Variants in TENM1 observed in about 807,000 individuals in gnomAD.
TENM1 encodes the protein teneurin-1.
In TENM1, 35 loss-of-function variants were observed where a neutral mutation model predicts 174.8. The observed-to-expected ratio is 0.20, with a 90% CI of 0.15 to 0.27. The LOEUF (loss-of-function observed/expected upper bound fraction) is 0.27. Ranked by LOEUF, TENM1 falls within the 10% of genes least tolerant of loss-of-function variation. TENM1 has a pLI of 1.00. For synonymous variants in TENM1, 781 were observed against 798.7 expected (o/e 0.98, Z 0.37); for missense variants, 1,633 against 2,130.1 (o/e 0.77, Z 4.59).
chrX:124,449,434 G>A (rs1454952618), intron 23 of TENM1, among the ~76,000 whole-genome samples: 1 of 112,243 alleles, frequency 8.9e-6, no homozygotes, highest in East Asian at 2.8e-4. Flanking sequence ...TGGTGATGAT[G>A]ATCATATGTT....
intron 30 of TENM1, 135 bp downstream of exon 33, chrX:124,383,499 C>T: frequency 1.7e-6 from 1 of 590,509 alleles, no homozygotes; most frequent in Non-Finnish European, 2.7e-6. Context: ...CTAAGGAAGA[C>T]AGCAAATGCA....
At chrX:125,036,144 T>C in the TENM1 span, among the ~76,000 whole-genome samples, 1 of 111,875 alleles carries the variant, frequency 8.9e-6, no homozygotes, top group East Asian at 2.8e-4. Context: ...AATGTAAATG[T>C]ATTCTTTAAG....
At chrX:124,981,797 C>G in the TENM1 span, among the ~76,000 whole-genome samples, 1 of 110,663 alleles carries the variant, frequency 9.0e-6, no homozygotes, top group Non-Finnish European at 1.9e-5. Context: ...TAGGTTTATC[C>G]CTGGTTGGAG....
intron 25 of TENM1, among the ~76,000 whole-genome samples, chrX:124,407,219 CAAAAAA>C (rs59240118): frequency 1.0e-4 from 9 of 86,649 alleles, no homozygotes; most frequent in African/African-American, 3.7e-4. Context: ...TTACTTTTTC[CAAAAAA>C]AAAAAAAAAA....
chrX:125,109,600 C>A, the TENM1 span, among the ~76,000 whole-genome samples: 1 of 110,994 alleles, frequency 9.0e-6, no homozygotes, highest in Non-Finnish European at 1.9e-5. Context: ...CTGGCTAAGA[C>A]AATCTAGGCA....
chrX:124,764,951 A>G (rs1241057243), intron 3 of TENM1, among the ~76,000 whole-genome samples: 1 of 110,331 alleles, frequency 9.1e-6, no homozygotes. Flanking sequence ...CTTTCATCCC[A>G]TATTGTTTGC....
At chrX:124,492,034 TAGATA>T (rs1318807079) in intron 20 of TENM1, among the ~76,000 whole-genome samples, 1 of 111,839 alleles carries the variant, frequency 8.9e-6, no homozygotes, top group African/African-American at 3.2e-5. Flanking sequence ...GTCAATTTTA[TAGATA>T]AGGAAGAGAA....
At chrX:124,387,049 G>A (rs1321035563) in intron 28 of TENM1, among the ~76,000 whole-genome samples, 1 of 106,212 alleles carries the variant, frequency 9.4e-6, no homozygotes, top group Non-Finnish European at 1.9e-5. Context: ...TTATCATAAA[G>A]TATTGATTGA....
At chrX:125,148,499 C>T in the TENM1 span, among the ~76,000 whole-genome samples, 1 of 111,725 alleles carries the variant, frequency 9.0e-6, no homozygotes, top group Non-Finnish European at 1.9e-5. Flanking sequence ...TCTTCTTATT[C>T]TATATGCTTT....
chrX:124,607,282 A>G (rs1392070802), intron 11 of TENM1, among the ~76,000 whole-genome samples: 1 of 111,004 alleles, frequency 9.0e-6, no homozygotes, highest in Non-Finnish European at 1.9e-5. Flanking sequence ...TTTCAGTGGT[A>G]ATAATGGCTC....
chrX:124,892,716 C>T (rs1163668003), intron 3 of TENM1, among the ~76,000 whole-genome samples: 3 of 111,694 alleles, frequency 2.7e-5, no homozygotes, highest in African/African-American at 6.5e-5. Context: ...ATATCATGCC[C>T]ACTGCCTCAT....
rs1460425365 is a variant in TENM1 at position 124,443,042 on chromosome X, CTA to C, written c.4104+10293_4104+10294del. Among the ~76,000 whole-genome samples the C allele has an allele frequency of 9.6e-3, 403 of 42,164 alleles. 5 individuals carry two copies. The highest frequency in any genetic ancestry group is 0.013 in the Middle Eastern group (1 of 77). 36.6% of individuals were successfully genotyped at this position (42,164 alleles called of 115,157 possible). A position where few individuals can be genotyped will look rare whatever the true frequency, so the allele number is the denominator to read the frequency against. On this transcript the variant is annotated intron_variant, in intron 23 of 31. Transcript: ENST00000422452. The stretch of plus-strand genomic sequence containing the variant: ...GCTGTAACTTTTCATGCCTGGATGA[CTA>C]TGTGTGTGTGTGTGTGTGTGTGTGT...
intron 22 of TENM1, among the ~76,000 whole-genome samples, chrX:124,475,845 C>A (rs2061381547): frequency 9.0e-6 from 1 of 111,691 alleles, no homozygotes; most frequent in Admixed American, 9.5e-5. Context: ...ACAAGGTGGG[C>A]ATCTCTCCTG....
chrX:125,179,841 G>A, the TENM1 span, among the ~76,000 whole-genome samples: 2 of 107,690 alleles, frequency 1.9e-5, no homozygotes, highest in Non-Finnish European at 3.8e-5. Flanking sequence ...GAGAATCACT[G>A]TTCAACTCTG....
At chrX:125,045,079 C>G in the TENM1 span, among the ~76,000 whole-genome samples, 3 of 111,365 alleles carry the variant, frequency 2.7e-5, no homozygotes, top group East Asian at 5.7e-4. Flanking sequence ...GGGAAGCAGT[C>G]CTGTCTTACC....
intron 1 of TENM1, among the ~76,000 whole-genome samples, chrX:124,947,644 T>A (rs1442329322): frequency 8.9e-6 from 1 of 112,284 alleles, no homozygotes; most frequent in African/African-American, 3.2e-5. Flanking sequence ...TATAATGGTT[T>A]ACAAGGTCCC....
intron 14 of TENM1, among the ~76,000 whole-genome samples, chrX:124,556,629 G>C (rs1389300392): frequency 9.1e-6 from 1 of 110,453 alleles, no homozygotes; most frequent in Non-Finnish European, 1.9e-5. Flanking sequence ...CTTACTTACA[G>C]TTCTGATTTG....
chrX:124,803,931 T>C (rs2055521599), intron 3 of TENM1, among the ~76,000 whole-genome samples: 1 of 112,566 alleles, frequency 8.9e-6, no homozygotes, highest in African/African-American at 3.2e-5. Flanking sequence ...CTACAAGTTA[T>C]AGTACATGCC....
In TENM1 at chrX:124,858,441, C is replaced by G. The variant is rs181408592; in HGVS notation, c.535+35855G>C. ...GTGTGGTTTATTTCAGTAATCTTACCTAATGAATTGGATTGACCATGCCAT... is the reference window on the plus strand; with the variant it reads ...GTGTGGTTTATTTCAGTAATCTTACGTAATGAATTGGATTGACCATGCCAT... On this transcript the variant is annotated intron_variant, in intron 3 of 31. Transcript: ENST00000422452. Among the ~76,000 whole-genome samples, 3 of 111,599 alleles carry G rather than the reference C, an allele frequency of 2.7e-5. No individual in the cohort carries two copies. In the East Asian group the frequency reaches 8.5e-4, roughly 31 times the overall value.
Sources: gnomAD v4.1 joint callset for allele counts (sites outside exome capture counted in the v4.1 genomes callset) on GRCh38, gnomAD v4.1.1 for gene constraint, MANE v1.5 for transcripts, NCBI Gene and HGNC (gene_info 2026-07-23, HGNC 2026-07-21) for gene names.